C4orf54: variants seen among roughly 807,000 people sequenced by gnomAD.
C4orf54 encodes the protein chromosome 4 open reading frame 54, also known as uncharacterized protein C4orf54.
A neutral mutation model predicts 80.1 loss-of-function variants in C4orf54; 67 were observed. The ratio of observed to expected loss-of-function variants is 0.84; its 90% CI spans 0.69 to 1.03. The LOEUF is 1.03. Ranked by LOEUF, C4orf54 falls within the 50% of genes least tolerant of loss-of-function variation. The pLI, the probability that C4orf54 is intolerant of heterozygous loss-of-function variation, is 0.00. For missense variants in C4orf54, 2,434 were observed against 2,253.5 expected, an observed-to-expected ratio of 1.08 and a Z score of -1.62; for synonymous variants, 1,000 against 917.0, an observed-to-expected ratio of 1.09 and a Z score of -1.64.
rs1011721009 is a variant in C4orf54, at chr4:99,640,806, A to G, written c.*427T>C. On this transcript the variant is annotated 3_prime_UTR_variant, in exon 3 of 3. Coordinates refer to ENST00000511828, the MANE Select transcript of C4orf54 (RefSeq NM_001354435.2). ...AAACTATAAGGAGATTCGTGATCCA[A>G]ATTACTCATTTACTAGCTTGGTTTA... 1 of 152,174 alleles carries G rather than the reference A, an allele frequency of 6.6e-6. No homozygotes were observed. The highest frequency in any genetic ancestry group is 2.4e-5 in the African/African-American group (1 of 41,464). 9.4% of individuals were successfully genotyped at this position (152,174 alleles called of 1,614,324 possible).
At chr4:99,648,840 C>T (rs941313600) in intron 2 of C4orf54, among the ~76,000 whole-genome samples, 4 of 152,188 alleles carry the variant, frequency 2.6e-5, no homozygotes, top group African/African-American at 9.7e-5. Flanking sequence ...TCAGTGCCTC[C>T]TGTCCCTGGG....
chr4:99,643,330 A>T (rs946694353), intron 2 of C4orf54, among the ~76,000 whole-genome samples: 2 of 152,206 alleles, frequency 1.3e-5, no homozygotes, highest in Non-Finnish European at 2.9e-5. Flanking sequence ...CTACACTGTG[A>T]CTAGTAAGTA....
chr4:99,652,332 T>C lies in C4orf54; in HGVS notation c.2317A>G (p.Lys773Glu). ...GACCCGGGACCCTTGCCGGGGCCTT[T>C]GGTGGCCCTGCCGGGCCCAGGGGCC... ...SSAPGPGRAT[K>E]GPGKGPGSAY... The change falls in exon 2 of 3, where the codon AAA becomes GAA. Residue 773 changes from lysine (K) to glutamate (E), a missense_variant. By Grantham distance (56) the Lys-to-Glu change is moderately conservative. Transcript: ENST00000511828. The C allele has an allele frequency of 6.5e-7, 1 of 1,535,818 alleles. No individual in the cohort carries two copies. Among genetic ancestry groups the C allele is most frequent in the Non-Finnish European group, 8.7e-7 (1 of 1,146,798 alleles).
rs1038433163 is a variant in C4orf54, at chr4:99,655,668, C to A, written c.-31-989G>T. Among the ~76,000 whole-genome samples, 2 of 152,160 alleles carry A rather than the reference C, an allele frequency of 1.3e-5. 1 individual carries two copies. The highest frequency in any genetic ancestry group is 1.3e-4 in the Admixed American group (2 of 15,288). ...TTTGGTAGTTGTGCAAGCAAATTTG[C>A]CAGTCAACTTAAGATGGGGGTCTGT... On this transcript the variant is annotated intron_variant, in intron 1 of 2. Coordinates refer to ENST00000511828, the MANE Select transcript of C4orf54 (RefSeq NM_001354435.2).
chr4:99,654,445 C>A lies in C4orf54; in HGVS notation c.204G>T (p.Arg68Ser). The change falls in exon 2 of 3, where the codon AGG becomes AGT. Residue 68 changes from arginine to serine, a missense_variant. By Grantham distance (110) the Arg-to-Ser change is moderately radical. Coordinates refer to ENST00000511828, the MANE Select transcript of C4orf54 (RefSeq NM_001354435.2). ...CAAGCCTGAGGGAGGTGGGAAGGCT[C>A]CTGGATGAGGCGGTGGAGGTGGTCT... ...QPQTTSTASS[R>S]SLPTSLRLAA... 1 of 726,796 alleles carries A rather than the reference C, an allele frequency of 1.4e-6. No homozygotes were observed. 45.0% of individuals were successfully genotyped at this position (726,796 alleles called of 1,614,324 possible).
intron 2 of C4orf54, among the ~76,000 whole-genome samples, chr4:99,643,617 G>A (rs1468530180): frequency 2.6e-5 from 4 of 151,964 alleles, no homozygotes; most frequent in African/African-American, 9.7e-5. Context: ...AATGTTCTAA[G>A]GACAGCTAGT....
Position 99,653,800 on chromosome 4 carries a change from A to G in C4orf54, c.849T>C (p.Leu283=). 1.3e-6 allele frequency: 2 copies of G among 1,536,154 alleles called. No homozygotes were observed. Among genetic ancestry groups the G allele is most frequent in the East Asian group, 2.4e-5 (1 of 40,902 alleles). The change falls in exon 2 of 3, where the codon CTT becomes CTC. Residue 283 remains leucine (L), a synonymous_variant. Transcript: ENST00000511828. ...ATGTGGTGGAGTCCTCCATTTTGGA[A>G]AGGCCATCCTCTTCTGCTTTGTTCA... ...SPMNKAEEDG[L]SKMEDSTTST...
chr4:99,650,878 C>A lies in C4orf54; in HGVS notation c.3771G>T (p.Leu1257=). 6.5e-7 allele frequency: 1 copy of A among 1,536,170 alleles called. No individual in the cohort carries two copies. Among genetic ancestry groups the A allele is most frequent in the South Asian group, 1.2e-5 (1 of 84,002 alleles). ...CTTCCATGGACCTCACGGCTGCAGT[C>A]AGCTTCTCCAGGGCATTCCGGGCTG... ...TKPARNALEK[L]TAAVRSMEEL... is the part of the protein sequence containing the mutation. Residue 1257 remains leucine, a synonymous_variant, in exon 2 of 3, where the codon CTG becomes CTT. Coordinates refer to ENST00000511828, the MANE Select transcript of C4orf54 (RefSeq NM_001354435.2).
In C4orf54 at chr4:99,654,750, A is replaced by G. The variant is rs182665858; in HGVS notation, c.-31-71T>C. 6.5e-4 allele frequency: 395 copies of G among 605,968 alleles called. No homozygotes were observed. In the African/African-American group the frequency reaches 6.6e-3, roughly 10 times the overall value. The allele number at this position is 605,968 out of a possible 1,614,324, so 37.5% of individuals were successfully genotyped here. On this transcript the variant is annotated intron_variant, in intron 1 of 2. Transcript: ENST00000511828. The stretch of plus-strand genomic sequence containing the variant: ...GTGTCCATTCCGTAGTCATATCGAA[A>G]CCACACTTGAGGGTAGAAAGAAGAG...
Position 99,654,291 on chromosome 4 carries a change from G to A in C4orf54, c.358C>T (p.Gln120Ter). Residue 120 changes from glutamine (Q) to a stop codon, truncating the protein, a stop_gained, in exon 2 of 3, where the codon CAG (glutamine) becomes TAG (stop). Coordinates refer to ENST00000511828, the MANE Select transcript of C4orf54 (RefSeq NM_001354435.2). LOFTEE classifies it high-confidence loss of function. ...LRATLQPLRG[Q>*]RRTQDFPSDH... Reference sequence around the variant, plus strand: ...CTGGGGAAGTCTTGGGTCCGTCTCTGGCCCCGGAGGGGCTGCAGAGTTGCC... The same window carrying A: ...CTGGGGAAGTCTTGGGTCCGTCTCTAGCCCCGGAGGGGCTGCAGAGTTGCC... The A allele has an allele frequency of 4.6e-6, 7 of 1,533,298 alleles. No individual in the cohort carries two copies. In the South Asian group the frequency reaches 7.1e-5, roughly 16 times the overall value. The allele number at this position is 1,533,298 out of a possible 1,614,324, so 95.0% of individuals were successfully genotyped here.
At position 99,650,312 on chromosome 4, in the gene C4orf54, G is replaced by A; in HGVS notation, c.4337C>T (p.Ala1446Val). ...CCTGTTGGTCACCTCATCAGGAGGT[G>A]CCCGGGTGGCTGGAGAGATCTTGAG... ...RSLKISPATRAPPDEVTNRKS... is the reference protein window; with the variant it reads ...RSLKISPATRVPPDEVTNRKS... Residue 1446 changes from alanine (A) to valine (V), a missense_variant, in exon 2 of 3, where the codon GCA becomes GTA. Ala to Val is a moderately conservative substitution (Grantham distance 64). Coordinates refer to ENST00000511828, the MANE Select transcript of C4orf54 (RefSeq NM_001354435.2). The A allele has an allele frequency of 6.5e-7, 1 of 1,536,094 alleles. No individual in the cohort carries two copies. Among genetic ancestry groups the A allele is most frequent in the Non-Finnish European group, 8.7e-7 (1 of 1,146,896 alleles).
Position 99,649,927 on chromosome 4 carries a change from AGGCTGGGCCCCCTGTAG to A in C4orf54, c.4705_4721del (p.Leu1569SerfsTer37). On this transcript the variant is annotated frameshift_variant, in exon 2 of 3. Coordinates refer to ENST00000511828, the MANE Select transcript of C4orf54 (RefSeq NM_001354435.2). LOFTEE classifies it low-confidence loss of function (END_TRUNC). ...TGGGTGGGGAGAAGCAGAGGACCTG[AGGCTGGGCCCCCTGTAG>A]GGTGAAGGGCAGCGGCGGCTGGTGG... is the stretch of plus-strand genomic sequence containing the variant. 6.5e-7 allele frequency: 1 copy of A among 1,528,666 alleles called. No individual in the cohort carries two copies. The highest frequency in any genetic ancestry group is 8.8e-7 in the Non-Finnish European group (1 of 1,141,874). The allele number at this position is 1,528,666 out of a possible 1,614,324, so 94.7% of individuals were successfully genotyped here.
Position 99,649,215 on chromosome 4 carries a change from A to G in C4orf54, c.*36+16T>C, listed in dbSNP as rs1726749717. 1.4e-6 allele frequency: 2 copies of G among 1,451,722 alleles called. No individual in the cohort carries two copies. Among genetic ancestry groups the G allele is most frequent in the Non-Finnish European group, 1.8e-6 (2 of 1,106,400 alleles). The allele number at this position is 1,451,722 out of a possible 1,614,324, so 89.9% of individuals were successfully genotyped here. On this transcript the variant is annotated intron_variant, in intron 2 of 2. Coordinates refer to ENST00000511828, the MANE Select transcript of C4orf54 (RefSeq NM_001354435.2). ...TTACTCTCTTAAACCTGATTATCAAAGTGAAATTCACTTACCAGCAGTTTT... is the reference window on the plus strand; with the variant it reads ...TTACTCTCTTAAACCTGATTATCAAGGTGAAATTCACTTACCAGCAGTTTT...
rs1355953689 is a variant in C4orf54, at chr4:99,638,810, T to C, written c.*2423A>G. ...AATGGCCTAGCAGCTTTGTATGATT[T>C]GGTGAAATAGAGAACCATAAAATTA... On this transcript the variant is annotated 3_prime_UTR_variant, in exon 3 of 3. Transcript: ENST00000511828. 6.6e-6 allele frequency: 1 copy of C among 152,166 alleles called. No homozygotes were observed. Among genetic ancestry groups the C allele is most frequent in the Non-Finnish European group, 1.5e-5 (1 of 68,002 alleles). The allele number at this position is 152,166 out of a possible 1,614,324, so 9.4% of individuals were successfully genotyped here.
Position 99,652,190 on chromosome 4 carries a change from T to C in C4orf54, c.2459A>G (p.Lys820Arg), listed in dbSNP as rs949872473. 2.6e-6 allele frequency: 4 copies of C among 1,535,894 alleles called. No homozygotes were observed. The African/African-American group carries it at 5.5e-5, about 21-fold the overall frequency. The change falls in exon 2 of 3, where the codon AAG becomes AGG. Residue 820 changes from lysine (K) to arginine (R), a missense_variant. Physicochemically the swap from Lys to Arg is conservative, Grantham distance 26 (BLOSUM62 2). Coordinates refer to ENST00000511828, the MANE Select transcript of C4orf54 (RefSeq NM_001354435.2). Reference protein sequence around the residue: ...SSLLKNVISKKMQREHEFKME... With the variant: ...SSLLKNVISKRMQREHEFKME... ...TTTGAACTCGTGTTCCCGCTGCATC[T>C]TCTTGGAAATGACATTTTTGAGCAG...
At chr4:99,655,147 T>C (rs575063228) in intron 1 of C4orf54, among the ~76,000 whole-genome samples, 44 of 152,324 alleles carry the variant, frequency 2.9e-4, no homozygotes, top group Non-Finnish European at 4.6e-4. Context: ...TCCATCCCTC[T>C]TTCCCCAAAG....
In C4orf54 at chr4:99,650,136, T is replaced by C; in HGVS notation, c.4513A>G (p.Ser1505Gly). 3 of 1,535,748 alleles carry C rather than the reference T, an allele frequency of 2.0e-6. No individual in the cohort carries two copies. Among genetic ancestry groups the C allele is most frequent in the Non-Finnish European group, 2.6e-6 (3 of 1,146,824 alleles). Residue 1505 changes from serine to glycine, a missense_variant, in exon 2 of 3, where the codon AGT becomes GGT. Physicochemically the swap from Ser to Gly is moderately conservative, Grantham distance 56. Coordinates refer to ENST00000511828, the MANE Select transcript of C4orf54 (RefSeq NM_001354435.2). Reference protein sequence around the residue: ...PPNSSAATLCSLPPLSARSQV... With the variant: ...PPNSSAATLCGLPPLSARSQV... The stretch of plus-strand genomic sequence containing the variant: ...CTGCGGGCACTCAGCGGGGGTAAAC[T>C]ACAGAGAGTGGCAGCTGAGGAGTTG...
At chr4:99,648,646 A>G (rs1020549615) in intron 2 of C4orf54, among the ~76,000 whole-genome samples, 3 of 152,124 alleles carry the variant, frequency 2.0e-5, no homozygotes, top group Non-Finnish European at 4.4e-5. Context: ...CTGAAAACTG[A>G]AAAACAAGAG....
rs1306047146 is a variant in C4orf54 at position 99,653,522 on chromosome 4, C to T, written c.1127G>A (p.Ser376Asn). The T allele has an allele frequency of 6.5e-7, 1 of 1,536,130 alleles. No individual in the cohort carries two copies. Among genetic ancestry groups the T allele is most frequent in the Non-Finnish European group, 8.7e-7 (1 of 1,146,922 alleles). The part of the protein sequence containing the change: ...HYITTHEIQL[S>N]EVEQDMDFDV... Reference sequence around the variant, plus strand: ...GAAATCCATGTCCTGTTCCACCTCACTCAGCTGGATCTCATGGGTGGTGAT... The same window carrying T: ...GAAATCCATGTCCTGTTCCACCTCATTCAGCTGGATCTCATGGGTGGTGAT... Residue 376 changes from serine to asparagine, a missense_variant, in exon 2 of 3, where the codon AGT (serine) becomes AAT (asparagine). Coordinates refer to ENST00000511828, the MANE Select transcript of C4orf54 (RefSeq NM_001354435.2).
Sources: allele counts gnomAD v4.1 joint callset (sites outside exome capture counted in the v4.1 genomes callset), GRCh38; gene constraint gnomAD v4.1.1; transcripts MANE v1.5; gene names NCBI Gene and HGNC (gene_info 2026-07-23, HGNC 2026-07-21).